ZNF676: variants seen among roughly 807,000 people sequenced by gnomAD.
ZNF676 encodes zinc finger protein 676.
A neutral mutation model predicts 6.0 loss-of-function variants in ZNF676; 4 were observed. The ratio of observed to expected loss-of-function variants is 0.67; its 90% confidence interval spans 0.33 to 1.53. The LOEUF is 1.53. Among genes scored for constraint, ZNF676 ranks in the 40% most tolerant of loss-of-function variants. The pLI, the probability that ZNF676 is intolerant of heterozygous loss-of-function variation, is 0.06. For missense variants in ZNF676, 644 were observed against 679.7 expected (o/e 0.95, Z 0.58); for synonymous variants, 198 against 223.1 (o/e 0.89, Z 1.00).
the ZNF676 span, among the ~76,000 whole-genome samples, chr19:22,251,413 G>A: frequency 6.6e-6 from 1 of 152,102 alleles, no homozygotes; most frequent in Admixed American, 6.6e-5. Flanking sequence ...CTGCTATTTA[G>A]ACTAATTCTG....
chr19:22,208,024 C>T (rs898061715), intron 1 of ZNF676, among the ~76,000 whole-genome samples: 2 of 148,488 alleles, frequency 1.3e-5, no homozygotes, highest in Non-Finnish European at 3.0e-5. Context: ...ATAAGAAGTG[C>T]CATTCTAGAC....
Position 22,179,735 on chromosome 19 carries a change from CCACA to C in ZNF676, c.*211_*214del. The C allele has an allele frequency of 1.3e-6, 1 of 741,898 alleles. No homozygotes were observed. The highest frequency in any genetic ancestry group is 2.4e-6 in the Non-Finnish European group (1 of 412,764). The allele number at this position is 741,898 out of a possible 1,614,324, so 46.0% of individuals were successfully genotyped here. A position where few individuals can be genotyped will look rare whatever the true frequency, so the allele number is the denominator to read the frequency against. Reference sequence around the variant, plus strand: ...TCTCCAGTATGAATTCTCTTATGTTCCACAAGGTTTGAGGACCGGTTGAAGCCTT... The same window carrying C: ...TCTCCAGTATGAATTCTCTTATGTTCAGGTTTGAGGACCGGTTGAAGCCTT... On this transcript the variant is annotated 3_prime_UTR_variant, in exon 3 of 3. Transcript: ENST00000397121.
chr19:22,204,018 G>A (rs1486273403), intron 1 of ZNF676: 3 of 152,170 alleles, frequency 2.0e-5, no homozygotes. Flanking sequence ...ATAAAAAATT[G>A]AAATCTGACT....
the ZNF676 span, among the ~76,000 whole-genome samples, chr19:22,229,822 T>A: frequency 6.6e-6 from 1 of 152,164 alleles, no homozygotes; most frequent in East Asian, 1.9e-4. Flanking sequence ...ACAGTTAGAA[T>A]GTAATCATTA....
At chr19:22,259,099 A>G in the ZNF676 span, among the ~76,000 whole-genome samples, 1 of 152,150 alleles carries the variant, frequency 6.6e-6, no homozygotes, top group African/African-American at 2.4e-5. Context: ...ACCTGTACCC[A>G]TACGGATTCA....
the ZNF676 span, among the ~76,000 whole-genome samples, chr19:22,222,527 C>T: frequency 6.6e-6 from 1 of 152,080 alleles, no homozygotes; most frequent in Admixed American, 6.6e-5. Flanking sequence ...AGTTCTTCTG[C>T]CATGTACTTC....
intron 1 of ZNF676, among the ~76,000 whole-genome samples, chr19:22,194,585 T>C (rs376025504): frequency 6.6e-6 from 1 of 152,096 alleles, no homozygotes; most frequent in Non-Finnish European, 1.5e-5. Flanking sequence ...GAAAGGACCT[T>C]ACAATGCGGT....
the ZNF676 span, among the ~76,000 whole-genome samples, chr19:22,234,651 C>T: frequency 1.3e-5 from 2 of 152,116 alleles, no homozygotes; most frequent in Non-Finnish European, 2.9e-5. Context: ...ATCCTAGAGG[C>T]TGCCAGGTGC....
chr19:22,207,581 C>T (rs1448519980), intron 1 of ZNF676, among the ~76,000 whole-genome samples: 2 of 151,932 alleles, frequency 1.3e-5, no homozygotes, highest in Non-Finnish European at 2.9e-5. Context: ...TTTAACAGAA[C>T]TAAAAAAACA....
At chr19:22,200,109 GGTATT>G (rs1232707576), upstream of ZNF676, among the ~76,000 whole-genome samples, 1 of 151,764 alleles carries the variant, frequency 6.6e-6, no homozygotes, top group Non-Finnish European at 1.5e-5. Flanking sequence ...GGCACTGGGG[GGTATT>G]GTAAGTTCTT....
At chr19:22,242,844 G>A in the ZNF676 span, among the ~76,000 whole-genome samples, 1 of 121,546 alleles carries the variant, frequency 8.2e-6, no homozygotes, top group African/African-American at 6.5e-5. Context: ...TACCCAAGTT[G>A]GGGGGGGGCT....
the ZNF676 span, among the ~76,000 whole-genome samples, chr19:22,231,846 C>T: frequency 2.6e-5 from 4 of 151,884 alleles, no homozygotes; most frequent in Admixed American, 6.6e-5. Flanking sequence ...GTGATCCACC[C>T]GCCTCAGCCT....
chr19:22,235,073 TCAGGAAGG>T, the ZNF676 span, among the ~76,000 whole-genome samples: 52 of 108,380 alleles, frequency 4.8e-4, no homozygotes, highest in Non-Finnish European at 7.9e-4. Flanking sequence ...AAGAAGGAAG[TCAGGAAGG>T]CAGGAAGGCA....
the ZNF676 span, among the ~76,000 whole-genome samples, chr19:22,231,052 T>A: frequency 6.6e-6 from 1 of 152,298 alleles, no homozygotes; most frequent in South Asian, 2.1e-4. Flanking sequence ...AAAACATTTT[T>A]AAGTATTTTC....
At position 22,196,906 on chromosome 19, in the gene ZNF676, A is replaced by C. The variant is rs1182318736; in HGVS notation, c.-273T>G. 1.6e-6 allele frequency: 1 copy of C among 620,970 alleles called. No homozygotes were observed. Among genetic ancestry groups the C allele is most frequent in the Non-Finnish European group, 2.8e-6 (1 of 363,046 alleles). 38.5% of individuals were successfully genotyped at this position (620,970 alleles called of 1,614,324 possible). ...TTCACTAATGTATTCTCTAACTCTG[A>C]GAAAAGAAAGTGGTATAAGATCCAT... is the stretch of plus-strand genomic sequence containing the variant. On this transcript the variant is annotated 5_prime_UTR_variant, in exon 1 of 3. Transcript: ENST00000397121.
chr19:22,243,711 A>T, the ZNF676 span: 1 of 149,928 alleles, frequency 6.7e-6, no homozygotes, highest in African/African-American at 2.5e-5. Context: ...TCCAGATTAC[A>T]GAGTCCCCAC....
the ZNF676 span, among the ~76,000 whole-genome samples, chr19:22,247,148 T>C: frequency 4.6e-5 from 7 of 152,110 alleles, no homozygotes; most frequent in Non-Finnish European, 7.4e-5. Context: ...GGGTAAAAAA[T>C]GGGATTGGGT....
chr19:22,255,415 C>T, the ZNF676 span, among the ~76,000 whole-genome samples: 1 of 152,188 alleles, frequency 6.6e-6, no homozygotes. Flanking sequence ...GAGCCACAAT[C>T]CAGCTTGAGA....
At chr19:22,197,805 T>C (rs1365811024), upstream of ZNF676, among the ~76,000 whole-genome samples, 1 of 152,188 alleles carries the variant, frequency 6.6e-6, no homozygotes. Flanking sequence ...CCAAGTGATT[T>C]ATTAACATCA....
Sources: allele counts gnomAD v4.1 joint callset (sites outside exome capture counted in the v4.1 genomes callset), GRCh38; gene constraint gnomAD v4.1.1; transcripts MANE v1.5; gene names NCBI Gene and HGNC (gene_info 2026-07-23, HGNC 2026-07-21).